The following SERPINB11 variants were observed in gnomAD, a reference collection of about 807,000 sequenced individuals.
The protein encoded by SERPINB11 is serpin family B member 11.
SERPINB11 carries 32 observed loss-of-function variants against 36.7 expected under a neutral mutation model. The ratio of observed to expected loss-of-function variants is 0.87; its 90% confidence interval spans 0.66 to 1.17. The LOEUF (loss-of-function observed/expected upper bound fraction) is 1.17. SERPINB11 is among the 50% of genes most tolerant of loss of function. SERPINB11 has a pLI of 0.00. For synonymous variants in SERPINB11, 174 were observed against 168.1 expected (o/e 1.04, Z -0.27); for missense variants, 528 against 458.4 (o/e 1.15, Z -1.39).
In SERPINB11 at chr18:63,710,318, T is replaced by G; in HGVS notation, c.125T>G (p.Val42Gly). The stretch of plus-strand genomic sequence containing the variant: ...AGTCTGCTTTATGCTCTAAGCATGG[T>G]CCTCCTTGGTGCCAGGGGAGAGACT... ...SLSLLYALSM[V>G]LLGARGETEE... Residue 42 changes from valine (V) to glycine (G), a missense_variant, in exon 2 of 8, where the codon GTC becomes GGC. Transcript: ENST00000544088. The G allele has an allele frequency of 6.2e-7, 1 of 1,613,620 alleles. No individual in the cohort carries two copies. Among genetic ancestry groups the G allele is most frequent in the Non-Finnish European group, 8.5e-7 (1 of 1,179,682 alleles).
In SERPINB11 at chr18:63,710,380, G is replaced by A. The variant is rs1239641483; in HGVS notation, c.168+19G>A. On this transcript the variant is annotated intron_variant, in intron 2 of 7. Transcript: ENST00000544088. ...GGAGAAGGTATGGAATTCCTCAGAG[G>A]TTTGTTCAGAACCCAGAAGTCTTTC... The A allele has an allele frequency of 6.3e-7, 1 of 1,599,826 alleles. No individual in the cohort carries two copies. The highest frequency in any genetic ancestry group is 8.5e-7 in the Non-Finnish European group (1 of 1,173,536).
intron 1 of SERPINB11, among the ~76,000 whole-genome samples, chr18:63,709,905 T>C (rs2144534075): frequency 6.6e-6 from 1 of 152,316 alleles, no homozygotes; most frequent in African/African-American, 2.4e-5. Context: ...CCAGAACTAT[T>C]ATAGATTATT....
chr18:63,710,394 C>A, intron 2 of SERPINB11, 33 bp downstream of exon 2: 1 of 1,565,202 alleles, frequency 6.4e-7, no homozygotes, highest in East Asian at 2.3e-5. Context: ...GTTCAGAACC[C>A]AGAAGTCTTT....
At chr18:63,711,823 C>T (rs540122168) in intron 3 of SERPINB11, among the ~76,000 whole-genome samples, 47 of 152,060 alleles carry the variant, frequency 3.1e-4, no homozygotes, top group Non-Finnish European at 6.0e-4. Context: ...TAGTTTTTTC[C>T]AGTAGAAGGA....
Position 63,712,671 on chromosome 18 carries a change from C to A in SERPINB11, c.335C>A (p.Thr112Lys), listed in dbSNP as rs1914559148. 1.2e-6 allele frequency: 2 copies of A among 1,613,572 alleles called. No homozygotes were observed. The highest frequency in any genetic ancestry group is 1.1e-5 in the South Asian group (1 of 91,048). The change falls in exon 4 of 8, where the codon ACA becomes AAA. Residue 112 changes from threonine (T) to lysine (K), a missense_variant. Transcript: ENST00000544088. The part of the protein sequence containing the change: ...TLSIANRLYG[T>K]KTMAFHQQYL... ...AGCATTGCCAACAGGCTCTACGGGA[C>A]AAAGACGATGGCATTTCATCAGGTA...
chr18:63,704,317 A>G (rs1232636765), intron 1 of SERPINB11, among the ~76,000 whole-genome samples: 1 of 152,266 alleles, frequency 6.6e-6, no homozygotes, highest in Non-Finnish European at 1.5e-5. Flanking sequence ...GCACATGAAA[A>G]GACAATCACC....
At chr18:63,710,384 G>A in intron 2 of SERPINB11, 23 bp downstream of exon 2, 1 of 1,590,696 alleles carries the variant, frequency 6.3e-7, no homozygotes, top group Middle Eastern at 1.7e-4. Context: ...TCAGAGGTTT[G>A]TTCAGAACCC....
intron 1 of SERPINB11, among the ~76,000 whole-genome samples, chr18:63,707,771 C>T (rs914934700): frequency 6.6e-6 from 1 of 152,192 alleles, no homozygotes; most frequent in Non-Finnish European, 1.5e-5. Flanking sequence ...TGGGTCACTA[C>T]TCTATGGATA....
intron 5 of SERPINB11, 25 bp downstream of exon 5, chr18:63,716,177 C>T (rs956247631): frequency 6.9e-7 from 1 of 1,445,444 alleles, no homozygotes; most frequent in African/African-American, 1.4e-5. Flanking sequence ...ATATGTGTCT[C>T]TAAACTCTGT....
chr18:63,706,791 G>A (rs1914382788), intron 1 of SERPINB11, among the ~76,000 whole-genome samples: 1 of 152,186 alleles, frequency 6.6e-6, no homozygotes, highest in African/African-American at 2.4e-5. Flanking sequence ...GCAGATCCAG[G>A]ATTGGGTAAT....
chr18:63,706,311 A>C (rs1914371676), intron 1 of SERPINB11, among the ~76,000 whole-genome samples: 1 of 152,206 alleles, frequency 6.6e-6, no homozygotes, highest in Non-Finnish European at 1.5e-5. Flanking sequence ...TAAAAGATTA[A>C]AAGCATGACA....
chr18:63,712,616 A>C lies in SERPINB11; in HGVS notation c.280A>C (p.Ile94Leu). ...CGAGTTTGGTGTCGAATTCTCTCAA[A>C]TCAACCAGCCAGACTCTAACTGTAC... ...HSEFGVEFSQINQPDSNCTLS... is the reference protein window; with the variant it reads ...HSEFGVEFSQLNQPDSNCTLS... The change falls in exon 4 of 8, where the codon ATC (isoleucine) becomes CTC (leucine). Residue 94 changes from isoleucine (I) to leucine (L), a missense_variant. Physicochemically the swap from Ile to Leu is conservative, Grantham distance 5 (BLOSUM62 2). Coordinates refer to ENST00000544088, the MANE Select transcript of SERPINB11 (RefSeq NM_001370475.1). 6.2e-7 allele frequency: 1 copy of C among 1,613,810 alleles called. No individual in the cohort carries two copies. The highest frequency in any genetic ancestry group is 1.1e-5 in the South Asian group (1 of 91,074).
chr18:63,711,648 A>G (rs561191551), intron 3 of SERPINB11, among the ~76,000 whole-genome samples: 1 of 152,006 alleles, frequency 6.6e-6, no homozygotes, highest in Non-Finnish European at 1.5e-5. Context: ...TTGTTCCTTT[A>G]TGGACGGTGC....
Sources: allele counts gnomAD v4.1 joint callset (sites outside exome capture counted in the v4.1 genomes callset), GRCh38; gene constraint gnomAD v4.1.1; transcripts MANE v1.5; gene names NCBI Gene and HGNC (gene_info 2026-07-23, HGNC 2026-07-21).